INO80C: variants seen among roughly 807,000 people sequenced by gnomAD.
INO80C encodes IES6 homolog.
INO80C carries 17 observed loss-of-function variants against 17.7 expected under a neutral mutation model. The ratio of observed to expected loss-of-function variants is 0.96; its 90% CI spans 0.66 to 1.44. The LOEUF is 1.44. Ranked by LOEUF, INO80C falls within the 40% of genes most tolerant of loss-of-function variation. The pLI is 0.00. For synonymous variants in INO80C, 96 were observed against 95.8 expected (o/e 1.00, Z -0.01); for missense variants, 244 against 245.0 (o/e 1.00, Z 0.03).
At chr18:35,479,041 G>C (rs2045773244) in intron 3 of INO80C, 1 of 317,838 alleles carries the variant, frequency 3.1e-6, no homozygotes, top group African/African-American at 2.2e-5. Context: ...AGTTTGTCTA[G>C]TAGAAACACC....
intron 3 of INO80C, 140 bp downstream of exon 3, chr18:35,479,160 C>A (rs1429569950): frequency 2.4e-5 from 15 of 614,128 alleles, no homozygotes; most frequent in Non-Finnish European, 2.3e-5. Flanking sequence ...CATAATCTGC[C>A]CAGACTGATG....
In INO80C at chr18:35,468,424, C is replaced by G. The variant is rs1439172447; in HGVS notation, c.*187G>C. The G allele has an allele frequency of 1.4e-6, 2 of 1,407,082 alleles. No homozygotes were observed. The highest frequency in any genetic ancestry group is 9.2e-7 in the Non-Finnish European group (1 of 1,081,220). 87.2% of individuals were successfully genotyped at this position (1,407,082 alleles called of 1,614,324 possible). On this transcript the variant is annotated 3_prime_UTR_variant, in exon 5 of 5. Transcript: ENST00000334598. ...TATAATTTAATTCAGCAGGAAATAT[C>G]ACACTTGGAGGGAAAACACACACTA...
chr18:35,482,983 G>T (rs537391901), intron 1 of INO80C, among the ~76,000 whole-genome samples: 1 of 152,254 alleles, frequency 6.6e-6, no homozygotes, highest in South Asian at 2.1e-4. Context: ...ACAAATTCAG[G>T]CCTCCTCTCC....
At chr18:35,487,404 A>G in intron 1 of INO80C, 1 of 397,666 alleles carries the variant, frequency 2.5e-6, no homozygotes, top group Non-Finnish European at 5.0e-6. Flanking sequence ...GCGGCTGGGG[A>G]GGCCTCACAA....
intron 1 of INO80C, chr18:35,497,483 T>G: frequency 7.5e-7 from 1 of 1,324,778 alleles, no homozygotes; most frequent in Non-Finnish European, 9.6e-7. Context: ...CTATTAATAC[T>G]AAGTCAGTAA....
At chr18:35,494,258 C>T (rs1227850204) in intron 1 of INO80C, among the ~76,000 whole-genome samples, 1 of 152,210 alleles carries the variant, frequency 6.6e-6, no homozygotes, top group South Asian at 2.1e-4. Flanking sequence ...ACCCCTGCTA[C>T]CTTGCAAGTA....
chr18:35,474,986 G>A (rs1362370204), intron 4 of INO80C, among the ~76,000 whole-genome samples: 3 of 152,056 alleles, frequency 2.0e-5, no homozygotes, highest in African/African-American at 4.8e-5. Context: ...CCTAGAAGAA[G>A]GGAAAAAGAC....
At chr18:35,472,428 T>C (rs1212585554) in intron 4 of INO80C, among the ~76,000 whole-genome samples, 1 of 152,244 alleles carries the variant, frequency 6.6e-6, no homozygotes, top group African/African-American at 2.4e-5. Context: ...TTCATATCCT[T>C]TGCCCGCTTT....
At position 35,468,716 on chromosome 18, in the gene INO80C, T is replaced by C; in HGVS notation, c.474A>G (p.Lys158=). Residue 158 remains lysine, a synonymous_variant, in exon 5 of 5, where the codon AAA becomes AAG. Transcript: ENST00000334598. ...LLANYTDPQS[K]LRFSTIEEFS... ...ACTCTTCAATGGTGCTGAACCGCAG[T>C]TTGCTCTGGGGGTCTGTGTAGTTGG... 1.9e-6 allele frequency: 3 copies of C among 1,614,028 alleles called. No individual in the cohort carries two copies. Among genetic ancestry groups the C allele is most frequent in the Non-Finnish European group, 1.7e-6 (2 of 1,179,998 alleles).
intron 4 of INO80C, among the ~76,000 whole-genome samples, chr18:35,473,658 A>T (rs1405394460): frequency 2.0e-5 from 3 of 152,194 alleles, no homozygotes; most frequent in Non-Finnish European, 4.4e-5. Context: ...CTGAAGTGCC[A>T]GCCCAGCCAG....
At chr18:35,494,101 T>C (rs1320214092) in intron 1 of INO80C, among the ~76,000 whole-genome samples, 1 of 152,188 alleles carries the variant, frequency 6.6e-6, no homozygotes, top group Non-Finnish European at 1.5e-5. Context: ...TTGAGTACCA[T>C]CACCAGCACT....
In INO80C at chr18:35,497,583, G is replaced by T. The variant is rs1401872394; in HGVS notation, c.156+136C>A. 1.3e-5 allele frequency: 19 copies of T among 1,425,958 alleles called. No individual in the cohort carries two copies. In the South Asian group the frequency reaches 2.8e-4, roughly 21 times the overall value. 88.3% of individuals were successfully genotyped at this position (1,425,958 alleles called of 1,614,324 possible). On this transcript the variant is annotated intron_variant, in intron 1 of 4. Coordinates refer to ENST00000334598, the MANE Select transcript of INO80C (RefSeq NM_194281.4). ...AAGGGAAAGAGTAGTCATTCACTCC[G>T]CGGGGCAGCGTCTTTCAACCCCAAC...
chr18:35,479,650 A>G (rs1246897329), intron 2 of INO80C, among the ~76,000 whole-genome samples: 1 of 152,198 alleles, frequency 6.6e-6, no homozygotes, highest in African/African-American at 2.4e-5. Flanking sequence ...GAGTAGAAAT[A>G]AAAGGCTACT....
intron 4 of INO80C, among the ~76,000 whole-genome samples, chr18:35,471,920 A>G: frequency 6.6e-6 from 1 of 152,146 alleles, no homozygotes; most frequent in Non-Finnish European, 1.5e-5. Flanking sequence ...TGTCCCTACA[A>G]AGGACATGAA....
chr18:35,493,592 A>G (rs2045952232), intron 1 of INO80C, among the ~76,000 whole-genome samples: 3 of 152,226 alleles, frequency 2.0e-5, no homozygotes, highest in Admixed American at 6.5e-5. Context: ...TTTTCTCAGA[A>G]TACTTTTAGC....
chr18:35,488,523 C>G (rs2045900537), intron 1 of INO80C, among the ~76,000 whole-genome samples: 1 of 152,286 alleles, frequency 6.6e-6, no homozygotes, highest in Admixed American at 6.5e-5. Flanking sequence ...GTGGCTGGAA[C>G]ACAGGGCACC....
At chr18:35,493,742 T>C (rs992577621) in intron 1 of INO80C, among the ~76,000 whole-genome samples, 1 of 152,236 alleles carries the variant, frequency 6.6e-6, no homozygotes, top group Non-Finnish European at 1.5e-5. Flanking sequence ...TAAGAATCCA[T>C]GATAATTCAA....
At chr18:35,478,407 CTCTTT>C (rs2045764075) in intron 3 of INO80C, 58 bp from the exon 4 acceptor site, 1 of 1,300,902 alleles carries the variant, frequency 7.7e-7, no homozygotes, top group Admixed American at 2.6e-5. Context: ...CAAATCCCTT[CTCTTT>C]TTTTTTCTAA....
chr18:35,474,347 T>C (rs1014933891), intron 4 of INO80C, among the ~76,000 whole-genome samples: 1 of 150,466 alleles, frequency 6.6e-6, no homozygotes, highest in East Asian at 1.9e-4. Flanking sequence ...AAAATAACTA[T>C]AATTAATATC....
Sources: allele counts gnomAD v4.1 joint callset (sites outside exome capture counted in the v4.1 genomes callset), GRCh38; gene constraint gnomAD v4.1.1; transcripts MANE v1.5; gene names NCBI Gene and HGNC (gene_info 2026-07-23, HGNC 2026-07-21).